JMJD1C: variants seen among roughly 807,000 people sequenced by gnomAD.
The protein encoded by JMJD1C is jumonji domain-containing protein 1C.
JMJD1C carries 31 observed loss-of-function variants against 245.3 expected under a neutral mutation model. The observed-to-expected ratio is 0.13, with a 90% confidence interval of 0.09 to 0.17. The LOEUF is 0.17. Among genes scored for constraint, JMJD1C ranks in the 10% least tolerant of loss-of-function variants. The pLI, the probability that JMJD1C is intolerant of heterozygous loss-of-function variation, is 1.00. For synonymous variants in JMJD1C, 1,057 were observed against 1,017.4 expected (o/e 1.04, Z -0.74); for missense variants, 2,691 against 3,000.2 (o/e 0.90, Z 2.41).
chr10:63,349,893 C>T (rs900036835), intron 2 of JMJD1C, among the ~76,000 whole-genome samples: 1 of 152,064 alleles, frequency 6.6e-6, no homozygotes, highest in African/African-American at 2.4e-5. Context: ...AGATTGATAA[C>T]TGGTAAAGAG....
At chr10:63,171,478 T>C (rs1157594743) in intron 24 of JMJD1C, among the ~76,000 whole-genome samples, 6 of 152,242 alleles carry the variant, frequency 3.9e-5, no homozygotes, top group Admixed American at 2.0e-4. Flanking sequence ...GCAATGGTCA[T>C]TGCTGACGGG....
At chr10:63,473,733 C>T (rs946798955) in intron 1 of JMJD1C, among the ~76,000 whole-genome samples, 1 of 151,844 alleles carries the variant, frequency 6.6e-6, no homozygotes, top group Admixed American at 6.6e-5. Context: ...TGTTAAATTG[C>T]ATAAAGTAAA....
At chr10:63,449,560 T>A (rs1313236290) in intron 1 of JMJD1C, among the ~76,000 whole-genome samples, 1 of 152,150 alleles carries the variant, frequency 6.6e-6, no homozygotes, top group Non-Finnish European at 1.5e-5. Flanking sequence ...AAAAGTTGTG[T>A]CTGAAGAAAC....
At chr10:63,333,957 C>T (rs1942430645) in intron 2 of JMJD1C, among the ~76,000 whole-genome samples, 1 of 151,738 alleles carries the variant, frequency 6.6e-6, no homozygotes, top group Non-Finnish European at 1.5e-5. Flanking sequence ...CAAAGCAGAT[C>T]AATTAAAAAA....
At chr10:63,414,556 G>A (rs1375900998) in intron 1 of JMJD1C, among the ~76,000 whole-genome samples, 1 of 151,838 alleles carries the variant, frequency 6.6e-6, no homozygotes, top group African/African-American at 2.4e-5. Context: ...AAGAAAAATC[G>A]AGATGCAAGA....
chr10:63,203,772 A>C, intron 10 of JMJD1C: 2 of 947,128 alleles, frequency 2.1e-6, no homozygotes, highest in Non-Finnish European at 2.5e-6. Context: ...ACACACTATT[A>C]TGTGTATGTG....
chr10:63,503,666 G>A (rs1369774658), intron 1 of JMJD1C, among the ~76,000 whole-genome samples: 1 of 152,144 alleles, frequency 6.6e-6, no homozygotes, highest in Non-Finnish European at 1.5e-5. Context: ...TCACCAGCAC[G>A]AGCTGAAAAA....
intron 2 of JMJD1C, among the ~76,000 whole-genome samples, chr10:63,355,095 GA>G (rs569039590): frequency 1.8e-4 from 27 of 146,078 alleles, no homozygotes; most frequent in Non-Finnish European, 2.6e-4. Flanking sequence ...TTTTGTCTTA[GA>G]AAAAAAAAAG....
rs552427480 is a variant in JMJD1C, at chr10:63,261,190, T to C, written c.447+3461A>G. On this transcript the variant is annotated intron_variant, in intron 3 of 25. Coordinates refer to ENST00000399262, the MANE Select transcript of JMJD1C (RefSeq NM_032776.3). Reference sequence around the variant, plus strand: ...CCATTATACTCTCTGAAAATGTTGGTTCAATTTCTCTTTTTAGTCATGTTT... The same window carrying C: ...CCATTATACTCTCTGAAAATGTTGGCTCAATTTCTCTTTTTAGTCATGTTT... 6.6e-5 allele frequency among the ~76,000 whole-genome samples: 10 copies of C among 152,236 alleles called. No homozygotes were observed. In the South Asian group the frequency reaches 2.1e-3, roughly 32 times the overall value.
intron 1 of JMJD1C, among the ~76,000 whole-genome samples, chr10:63,384,550 G>A (rs1226746793): frequency 6.6e-6 from 1 of 152,150 alleles, no homozygotes; most frequent in Non-Finnish European, 1.5e-5. Context: ...ACTTTGAAAG[G>A]AATCTTTTTC....
intron 2 of JMJD1C, among the ~76,000 whole-genome samples, chr10:63,372,570 T>C (rs1278595866): frequency 6.6e-6 from 1 of 152,190 alleles, no homozygotes; most frequent in Admixed American, 6.5e-5. Context: ...TTTGATATTA[T>C]CATATGTTAA....
intron 8 of JMJD1C, 101 bp downstream of exon 8, chr10:63,213,365 CATATTTT>C (rs969721543): frequency 1.1e-5 from 8 of 727,696 alleles, no homozygotes; most frequent in Non-Finnish European, 1.8e-5. Context: ...AAAATTCTAA[CATATTTT>C]ATAATAGGAA....
At chr10:63,269,455 A>C (rs532647786) in intron 2 of JMJD1C, among the ~76,000 whole-genome samples, 1 of 152,336 alleles carries the variant, frequency 6.6e-6, no homozygotes, top group South Asian at 2.1e-4. Flanking sequence ...AGCAAATGCA[A>C]ATACTAAGTT....
chr10:63,205,851 T>C (rs543817019), intron 10 of JMJD1C, among the ~76,000 whole-genome samples: 5 of 151,886 alleles, frequency 3.3e-5, no homozygotes, highest in Non-Finnish European at 7.4e-5. Context: ...TGAGACATGG[T>C]CTTGCTCTGT....
At chr10:63,435,305 T>G (rs1183079845) in intron 1 of JMJD1C, among the ~76,000 whole-genome samples, 1 of 152,124 alleles carries the variant, frequency 6.6e-6, no homozygotes, top group African/African-American at 2.4e-5. Context: ...ATTTCTAGCT[T>G]TGGCTTATTT....
intron 22 of JMJD1C, among the ~76,000 whole-genome samples, chr10:63,182,947 C>A (rs1294484782): frequency 1.3e-5 from 2 of 152,102 alleles, no homozygotes; most frequent in Admixed American, 1.3e-4. Context: ...CCGCAACCTC[C>A]GCCTCCTGGG....
At chr10:63,246,569 T>G (rs938782029) in intron 3 of JMJD1C, among the ~76,000 whole-genome samples, 4 of 151,948 alleles carry the variant, frequency 2.6e-5, no homozygotes, top group Non-Finnish European at 5.9e-5. Context: ...ACCACCAGAC[T>G]CATCTTACAG....
At chr10:63,288,772 G>C (rs999696865) in intron 2 of JMJD1C, among the ~76,000 whole-genome samples, 2 of 151,872 alleles carry the variant, frequency 1.3e-5, no homozygotes, top group African/African-American at 4.8e-5. Context: ...CCAGCTACTT[G>C]GGAGGCTGAG....
chr10:63,373,835 C>A (rs990200311), intron 2 of JMJD1C, among the ~76,000 whole-genome samples: 6 of 151,960 alleles, frequency 3.9e-5, no homozygotes, highest in African/African-American at 1.4e-4. Flanking sequence ...TTAAAGAAGC[C>A]AAATTTTAAT....
Sources: gnomAD v4.1 joint callset for allele counts (sites outside exome capture counted in the v4.1 genomes callset) on GRCh38, gnomAD v4.1.1 for gene constraint, MANE v1.5 for transcripts, NCBI Gene and HGNC (gene_info 2026-07-23, HGNC 2026-07-21) for gene names.